TNR: variants seen among roughly 807,000 people sequenced by gnomAD.
TNR encodes the protein tenascin R, also known as tenascin-R.
TNR carries 45 observed loss-of-function variants against 150.4 expected under a neutral mutation model. The ratio of observed to expected loss-of-function variants is 0.30; its 90% CI spans 0.24 to 0.38. The LOEUF (loss-of-function observed/expected upper bound fraction) is 0.38. Among genes scored for constraint, TNR ranks in the 10% least tolerant of loss-of-function variants. The pLI, the probability that TNR is intolerant of heterozygous loss-of-function variation, is 1.00. For synonymous variants in TNR, 687 were observed against 678.4 expected (o/e 1.01, Z -0.20); for missense variants, 1,544 against 1,759.1 (o/e 0.88, Z 2.19).
At chr1:175,389,696 C>T (rs1653088837) in intron 7 of TNR, among the ~76,000 whole-genome samples, 1 of 152,182 alleles carries the variant, frequency 6.6e-6, no homozygotes, top group Admixed American at 6.5e-5. Flanking sequence ...GTTAACCTGT[C>T]TTTTGTGATA....
chr1:175,586,156 G>C (rs764305568), intron 1 of TNR, among the ~76,000 whole-genome samples: 4 of 152,144 alleles, frequency 2.6e-5, no homozygotes, highest in Non-Finnish European at 5.9e-5. Flanking sequence ...TCAAGGAAGA[G>C]GGATTTTCCA....
rs564592812 is a variant in TNR, at chr1:175,521,453, G to A, written c.-64+6816C>T. ...TGTGATTACTGAGGCAACAAAACCC[G>A]ACTGGCTCTGGTCCAATTCTGCGTA... On this transcript the variant is annotated intron_variant, in intron 2 of 22. Coordinates refer to ENST00000367674, the MANE Select transcript of TNR (RefSeq NM_003285.3). Among the ~76,000 whole-genome samples the A allele has an allele frequency of 3.9e-5, 6 of 152,294 alleles. No individual in the cohort carries two copies. In the South Asian group the frequency reaches 8.3e-4, roughly 21 times the overall value.
intron 1 of TNR, among the ~76,000 whole-genome samples, chr1:175,655,785 C>T (rs1344761328): frequency 6.6e-6 from 1 of 152,204 alleles, no homozygotes; most frequent in Non-Finnish European, 1.5e-5. Context: ...CAATGTCCTG[C>T]CCTGTGAGGG....
At chr1:175,642,499 T>C (rs937480344) in intron 1 of TNR, among the ~76,000 whole-genome samples, 3 of 152,178 alleles carry the variant, frequency 2.0e-5, no homozygotes, top group African/African-American at 4.8e-5. Flanking sequence ...AGGAGTGACA[T>C]GGTCATAGTT....
At chr1:175,366,466 A>G (rs1651846688) in intron 10 of TNR, among the ~76,000 whole-genome samples, 1 of 152,260 alleles carries the variant, frequency 6.6e-6, no homozygotes, top group Non-Finnish European at 1.5e-5. Context: ...CAATAAGGAT[A>G]AAATGGTAGC....
At chr1:175,500,273 CT>C (rs1658676947) in intron 2 of TNR, among the ~76,000 whole-genome samples, 1 of 152,110 alleles carries the variant, frequency 6.6e-6, no homozygotes, top group Non-Finnish European at 1.5e-5. Flanking sequence ...CAGGGAGTTG[CT>C]TGCTAGAAGG....
At position 175,440,852 on chromosome 1, in the gene TNR, T is replaced by G. The variant is rs148720827; in HGVS notation, c.-63-34075A>C. On this transcript the variant is annotated intron_variant, in intron 2 of 22. Coordinates refer to ENST00000367674, the MANE Select transcript of TNR (RefSeq NM_003285.3). The stretch of plus-strand genomic sequence containing the variant: ...AACAGAGAAAATATATGCTACAGAA[T>G]AGAGAGGATATTTGGTGGACTGGTG... Among the ~76,000 whole-genome samples the G allele has an allele frequency of 4.2e-3, 636 of 152,162 alleles. 4 individuals are homozygous for G. The highest frequency in any genetic ancestry group is 0.034 in the Middle Eastern group (10 of 294).
At chr1:175,564,291 G>T (rs78227918) in intron 1 of TNR, among the ~76,000 whole-genome samples, 8,615 of 152,090 alleles carry the variant, frequency 0.057, 808 homozygotes, top group African/African-American at 0.19. Context: ...CAGGACGGGC[G>T]GCTGCGAAGT....
intron 1 of TNR, among the ~76,000 whole-genome samples, chr1:175,678,543 C>G (rs1352107826): frequency 6.6e-6 from 1 of 152,204 alleles, no homozygotes; most frequent in Non-Finnish European, 1.5e-5. Flanking sequence ...AATCCTGACT[C>G]CCTGCCCTGC....
At chr1:175,738,576 G>A (rs528455585) in intron 1 of TNR, among the ~76,000 whole-genome samples, 62 of 152,276 alleles carry the variant, frequency 4.1e-4, no homozygotes, top group Non-Finnish European at 7.1e-4. Flanking sequence ...GAGAAAGTTC[G>A]GAAAATGGAT....
intron 1 of TNR, among the ~76,000 whole-genome samples, chr1:175,688,792 G>T (rs944871364): frequency 2.6e-5 from 4 of 152,196 alleles, no homozygotes; most frequent in African/African-American, 9.7e-5. Context: ...CCCTACCCAT[G>T]AGCCAGTTCT....
chr1:175,678,290 T>A (rs1181282996), intron 1 of TNR, among the ~76,000 whole-genome samples: 4 of 151,918 alleles, frequency 2.6e-5, no homozygotes, highest in Non-Finnish European at 5.9e-5. Flanking sequence ...GCCTAGTGGG[T>A]GGGTAGAGGG....
chr1:175,459,698 GC>G (rs1467735891), intron 2 of TNR, among the ~76,000 whole-genome samples: 1 of 152,150 alleles, frequency 6.6e-6, no homozygotes, highest in African/African-American at 2.4e-5. Context: ...GGAGAGGGGA[GC>G]CTGAGAAAGT....
intron 2 of TNR, among the ~76,000 whole-genome samples, chr1:175,458,554 G>C (rs144901333): frequency 7.0e-4 from 107 of 152,330 alleles, no homozygotes; most frequent in African/African-American, 2.5e-3. Flanking sequence ...TGGAGCTGGG[G>C]TCTAGAGTAA....
At chr1:175,530,431 G>A (rs1289010359) in intron 1 of TNR, among the ~76,000 whole-genome samples, 1 of 152,210 alleles carries the variant, frequency 6.6e-6, no homozygotes, top group East Asian at 1.9e-4. Flanking sequence ...AAGGGACTCA[G>A]CTGTGAGCTG....
chr1:175,402,243 C>CTTGCAGTGA (rs1398883887), intron 4 of TNR, among the ~76,000 whole-genome samples: 3 of 126,606 alleles, frequency 2.4e-5, no homozygotes, highest in African/African-American at 9.1e-5. Flanking sequence ...GGAAGCGGAG[C>CTTGCAGTGA]TTGCAGTGAG....
rs113524127 is a variant in TNR at position 175,378,683 on chromosome 1, T to C, written c.1963+869A>G. ...TATATAGCAGGAGGGAAAACGTATT[T>C]GAGAAATGGAAAGAAGCAGACTTGT... is the stretch of plus-strand genomic sequence containing the variant. On this transcript the variant is annotated intron_variant, in intron 9 of 22. Transcript: ENST00000367674. Among the ~76,000 whole-genome samples, 401 of 152,114 alleles carry C rather than the reference T, an allele frequency of 2.6e-3. 4 individuals carry two copies. Among genetic ancestry groups the C allele is most frequent in the African/African-American group, 9.2e-3 (383 of 41,496 alleles).
intron 1 of TNR, among the ~76,000 whole-genome samples, chr1:175,669,110 C>G (rs965947545): frequency 6.6e-6 from 1 of 152,218 alleles, no homozygotes; most frequent in African/African-American, 2.4e-5. Context: ...CTCAGTTTCC[C>G]CATATTCTCC....
intron 2 of TNR, among the ~76,000 whole-genome samples, chr1:175,478,849 C>T (rs1198168673): frequency 6.6e-6 from 1 of 152,148 alleles, no homozygotes; most frequent in Non-Finnish European, 1.5e-5. Context: ...TACTTATGAT[C>T]ACTGGCAATT....
Sources: gnomAD v4.1 joint callset for allele counts (sites outside exome capture counted in the v4.1 genomes callset) on GRCh38, gnomAD v4.1.1 for gene constraint, MANE v1.5 for transcripts, NCBI Gene and HGNC (gene_info 2026-07-23, HGNC 2026-07-21) for gene names.